Variants in ADAMTS14 observed in about 807,000 individuals in gnomAD.
ADAMTS14 encodes A disintegrin and metalloproteinase with thrombospondin motifs 14.
ADAMTS14 carries 100 observed loss-of-function variants against 128.6 expected under a neutral mutation model. The observed-to-expected ratio is 0.78, with a 90% CI of 0.66 to 0.92. ADAMTS14 has a LOEUF of 0.92. Among genes scored for constraint, ADAMTS14 ranks in the 40% least tolerant of loss-of-function variants. The pLI is 0.00. For missense variants in ADAMTS14, 1,562 were observed against 1,658.6 expected (o/e 0.94, Z 1.01); for synonymous variants, 665 against 653.8 (o/e 1.02, Z -0.26).
chr10:70,743,078 G>C (rs1842056224), intron 12 of ADAMTS14, among the ~76,000 whole-genome samples: 1 of 152,182 alleles, frequency 6.6e-6, no homozygotes, highest in Non-Finnish European at 1.5e-5. Flanking sequence ...GTGTGGACTT[G>C]AGCAAGTTCC....
At chr10:70,717,550 G>A (rs1175278271) in intron 4 of ADAMTS14, among the ~76,000 whole-genome samples, 1 of 152,180 alleles carries the variant, frequency 6.6e-6, no homozygotes, top group Non-Finnish European at 1.5e-5. Flanking sequence ...GCTCCCCGTG[G>A]TGGCATCCAA....
chr10:70,729,189 G>T (rs1347987686), intron 4 of ADAMTS14, 105 bp from the exon 5 acceptor site: 1 of 956,584 alleles, frequency 1.0e-6, no homozygotes, highest in South Asian at 1.4e-5. Context: ...TGCCTGATAA[G>T]GTCACGGTGG....
At chr10:70,706,799 CTG>C (rs1165000646) in intron 3 of ADAMTS14, among the ~76,000 whole-genome samples, 2 of 152,240 alleles carry the variant, frequency 1.3e-5, no homozygotes, top group Non-Finnish European at 2.9e-5. Context: ...ACACCAAGCC[CTG>C]TGTGTTCCCT....
At chr10:70,741,353 G>T (rs1259724385) in intron 12 of ADAMTS14, among the ~76,000 whole-genome samples, 191 bp downstream of exon 12, 2 of 152,152 alleles carry the variant, frequency 1.3e-5, no homozygotes, top group Admixed American at 1.3e-4. Flanking sequence ...TATACTTCTG[G>T]GGTCATCATC....
At chr10:70,717,123 T>C (rs1841079708) in intron 4 of ADAMTS14, among the ~76,000 whole-genome samples, 1 of 152,196 alleles carries the variant, frequency 6.6e-6, no homozygotes, top group African/African-American at 2.4e-5. Context: ...CAGCATTTAG[T>C]GAGTACGTGT....
At position 70,690,938 on chromosome 10, in the gene ADAMTS14, C is replaced by A. The variant is rs185207423; in HGVS notation, c.523-11374C>A. Among the ~76,000 whole-genome samples, 2 of 144,980 alleles carry A rather than the reference C, an allele frequency of 1.4e-5. 1 individual carries two copies. Among genetic ancestry groups the A allele is most frequent in the Non-Finnish European group, 3.2e-5 (2 of 63,288 alleles). ...GGCCAAGCAGGGGCCAGGCAGAGCT[C>A]CTTCGCCGAGCTTGGTGGGCTATGA... On this transcript the variant is annotated intron_variant, in intron 2 of 21. Coordinates refer to ENST00000373207, the MANE Select transcript of ADAMTS14 (RefSeq NM_080722.4).
At chr10:70,721,952 T>A (rs888070376) in intron 4 of ADAMTS14, among the ~76,000 whole-genome samples, 1 of 152,168 alleles carries the variant, frequency 6.6e-6, no homozygotes, top group African/African-American at 2.4e-5. Flanking sequence ...GGAGCCAGAT[T>A]GATTTTACTG....
chr10:70,746,538 C>T (rs980372357), intron 15 of ADAMTS14, among the ~76,000 whole-genome samples: 14 of 152,242 alleles, frequency 9.2e-5, no homozygotes, highest in South Asian at 2.1e-4. Context: ...GCAGGCGCAG[C>T]GGCTCACGCC....
chr10:70,737,253 C>T (rs1841855708), intron 10 of ADAMTS14, among the ~76,000 whole-genome samples: 1 of 152,182 alleles, frequency 6.6e-6, no homozygotes, highest in African/African-American at 2.4e-5. Flanking sequence ...CACCAACCTC[C>T]TTCATGAATG....
intron 2 of ADAMTS14, among the ~76,000 whole-genome samples, chr10:70,681,814 G>C (rs1401336330): frequency 2.6e-5 from 4 of 152,242 alleles, no homozygotes; most frequent in African/African-American, 7.2e-5. Context: ...TTGACCTGCA[G>C]GCCTCCTGCC....
chr10:70,730,214 T>C lies in ADAMTS14; in HGVS notation c.1067T>C (p.Val356Ala). 1.2e-6 allele frequency: 2 copies of C among 1,614,060 alleles called. No homozygotes were observed. Among genetic ancestry groups the C allele is most frequent in the Non-Finnish European group, 1.7e-6 (2 of 1,179,984 alleles). Residue 356 changes from valine to alanine, a missense_variant, in exon 6 of 22, where the codon GTT (valine) becomes GCT (alanine). Transcript: ENST00000373207. ...DPSHAEHHDH[V>A]VFLTRQDFGP... ...AGCCACGCTGAGCACCATGACCACG[T>C]TGTGTTCCTCACCCGGCAGGACTTT...
chr10:70,757,513 T>C (rs750278487), intron 19 of ADAMTS14, among the ~76,000 whole-genome samples: 3 of 152,038 alleles, frequency 2.0e-5, no homozygotes, highest in Non-Finnish European at 4.4e-5. Flanking sequence ...TAATAGGATA[T>C]CATCACATCA....
chr10:70,721,019 C>CTTTTTTTTTTTTTT (rs56656736), intron 4 of ADAMTS14, among the ~76,000 whole-genome samples: 22 of 84,322 alleles, frequency 2.6e-4, no homozygotes, highest in East Asian at 9.5e-4. Context: ...TCTCTTTTTT[C>CTTTTTTTTTTTTTT]TTTTTTTTTT....
At position 70,738,840 on chromosome 10, in the gene ADAMTS14, A is replaced by C; in HGVS notation, c.1600-2A>C. 1 of 1,613,904 alleles carries C rather than the reference A, an allele frequency of 6.2e-7. No homozygotes were observed. The highest frequency in any genetic ancestry group is 1.3e-5 in the African/African-American group (1 of 75,032). On this transcript the variant is annotated splice_acceptor_variant, in intron 10 of 21. Transcript: ENST00000373207. LOFTEE classifies it high-confidence loss of function. ...GACCTCATGCCCTCTGCTCTGCCCC[A>C]GTGGTGCTTCAAAGGTCACTGCATC...
chr10:70,677,048 C>A (rs1226192612), intron 2 of ADAMTS14, among the ~76,000 whole-genome samples: 2 of 152,140 alleles, frequency 1.3e-5, no homozygotes, highest in Non-Finnish European at 2.9e-5. Context: ...TGACTCCCCA[C>A]CCCCTTTGCA....
At chr10:70,697,141 G>T (rs1840353654) in intron 2 of ADAMTS14, among the ~76,000 whole-genome samples, 1 of 152,216 alleles carries the variant, frequency 6.6e-6, no homozygotes. Context: ...CTGAGAGGTG[G>T]CCTGCTCTGC....
At chr10:70,723,961 C>T (rs1482126925) in intron 4 of ADAMTS14, among the ~76,000 whole-genome samples, 1 of 152,214 alleles carries the variant, frequency 6.6e-6, no homozygotes, top group East Asian at 1.9e-4. Flanking sequence ...TGGCCTTGGG[C>T]AAGTTACTTA....
chr10:70,755,209 G>A (rs1305417224), intron 19 of ADAMTS14, among the ~76,000 whole-genome samples: 1 of 151,662 alleles, frequency 6.6e-6, no homozygotes, highest in African/African-American at 2.4e-5. Flanking sequence ...CTGGAGGCTA[G>A]GGTAGGAAGA....
At chr10:70,706,336 C>T (rs958013370) in intron 3 of ADAMTS14, among the ~76,000 whole-genome samples, 2 of 152,230 alleles carry the variant, frequency 1.3e-5, no homozygotes, top group Non-Finnish European at 2.9e-5. Context: ...GGTAACCTCT[C>T]CAGCCTTCCT....
Sources: allele counts gnomAD v4.1 joint callset (sites outside exome capture counted in the v4.1 genomes callset), GRCh38; gene constraint gnomAD v4.1.1; transcripts MANE v1.5; gene names NCBI Gene and HGNC (gene_info 2026-07-23, HGNC 2026-07-21).